Variants in DIAPH2 observed in about 807,000 individuals in gnomAD.
The protein encoded by DIAPH2 is protein diaphanous homolog 2.
Under a neutral mutation model 92.7 loss-of-function variants are expected in DIAPH2, and 35 were observed. The ratio of observed to expected loss-of-function variants is 0.38; its 90% CI spans 0.29 to 0.50. DIAPH2 has a LOEUF of 0.50. Ranked by LOEUF, DIAPH2 falls within the 20% of genes least tolerant of loss-of-function variation. The pLI is 0.94. For missense variants in DIAPH2, 701 were observed against 819.5 expected (o/e 0.86, Z 1.77); for synonymous variants, 301 against 280.4 (o/e 1.07, Z -0.73).
intron 17 of DIAPH2, among the ~76,000 whole-genome samples, chrX:97,043,279 T>G (rs2066459417): frequency 1.8e-5 from 2 of 111,214 alleles, no homozygotes; most frequent in African/African-American, 6.5e-5. Flanking sequence ...GAGAGAGGAT[T>G]TGATGACTTT....
chrX:97,350,989 C>A (rs773977301), intron 24 of DIAPH2, among the ~76,000 whole-genome samples: 8 of 112,203 alleles, frequency 7.1e-5, no homozygotes, highest in African/African-American at 2.6e-4. Context: ...GTAATCAGAT[C>A]CTAAATGTGT....
intron 22 of DIAPH2, among the ~76,000 whole-genome samples, chrX:97,229,437 C>T (rs2067990636): frequency 9.0e-6 from 1 of 111,443 alleles, no homozygotes; most frequent in East Asian, 2.8e-4. Flanking sequence ...TTGCAATGCA[C>T]AGACAAAGGT....
intron 26 of DIAPH2, among the ~76,000 whole-genome samples, chrX:97,596,115 G>A (rs2071549701): frequency 9.0e-6 from 1 of 111,576 alleles, no homozygotes; most frequent in South Asian, 3.7e-4. Context: ...GTCCATTTTG[G>A]GATTGATTTC....
In DIAPH2 at chrX:96,972,702, G is replaced by A. The variant is rs1240590239; in HGVS notation, c.2050+7495G>A. Reference sequence around the variant, plus strand: ...AAACAAATAATTAATTTTGAGTAGGGTCAATGGAGATCCTAGAGGTAGTAT... The same window carrying A: ...AAACAAATAATTAATTTTGAGTAGGATCAATGGAGATCCTAGAGGTAGTAT... On this transcript the variant is annotated intron_variant, in intron 17 of 26. Transcript: ENST00000324765. 3.6e-5 allele frequency among the ~76,000 whole-genome samples: 4 copies of A among 110,877 alleles called. No individual in the cohort carries two copies. In the East Asian group the frequency reaches 1.1e-3, roughly 31 times the overall value.
At chrX:97,551,581 G>T (rs191929212) in intron 26 of DIAPH2, among the ~76,000 whole-genome samples, 3 of 105,795 alleles carry the variant, frequency 2.8e-5, no homozygotes, top group African/African-American at 1.0e-4. Flanking sequence ...CAACAAGAAC[G>T]AGACTCCGTT....
intron 3 of DIAPH2, among the ~76,000 whole-genome samples, chrX:96,746,145 C>A (rs909056877): frequency 1.8e-5 from 2 of 111,683 alleles, no homozygotes; most frequent in African/African-American, 3.3e-5. Flanking sequence ...AAGACATCCT[C>A]CTGCCTTGGC....
chrX:97,259,932 C>T (rs1239605579), intron 23 of DIAPH2, among the ~76,000 whole-genome samples: 2 of 111,897 alleles, frequency 1.8e-5, no homozygotes, highest in African/African-American at 6.5e-5. Context: ...TTGGTTCAAG[C>T]AGTTCTCCCT....
intron 4 of DIAPH2, among the ~76,000 whole-genome samples, chrX:96,789,169 G>C (rs752808837): frequency 1.8e-5 from 2 of 111,831 alleles, no homozygotes; most frequent in Non-Finnish European, 3.8e-5. Context: ...TCCCTCCCAC[G>C]AGGGGTCACA....
At chrX:96,794,602 G>A (rs1279484915) in intron 4 of DIAPH2, among the ~76,000 whole-genome samples, 1 of 110,467 alleles carries the variant, frequency 9.1e-6, no homozygotes, top group Non-Finnish European at 1.9e-5. Flanking sequence ...ATGTTGGAGA[G>A]CAAATTGGCA....
chrX:97,389,123 G>A (rs999684089), intron 25 of DIAPH2, among the ~76,000 whole-genome samples: 24 of 110,664 alleles, frequency 2.2e-4, no homozygotes, highest in African/African-American at 6.2e-4. Context: ...GGAGTCCCCC[G>A]CCACACTCCA....
At chrX:96,858,130 T>A (rs1285941643) in intron 4 of DIAPH2, among the ~76,000 whole-genome samples, 2 of 112,310 alleles carry the variant, frequency 1.8e-5, no homozygotes, top group African/African-American at 6.5e-5. Context: ...AATAATATAT[T>A]ACATATATTG....
At chrX:96,728,736 G>A (rs778959602) in intron 1 of DIAPH2, among the ~76,000 whole-genome samples, 1 of 112,610 alleles carries the variant, frequency 8.9e-6, no homozygotes, top group South Asian at 3.6e-4. Flanking sequence ...ACAAAGTACT[G>A]TGTTGGTTTT....
chrX:96,692,640 A>G (rs1360422579), intron 1 of DIAPH2, among the ~76,000 whole-genome samples: 1 of 112,333 alleles, frequency 8.9e-6, no homozygotes, highest in Admixed American at 9.5e-5. Context: ...TCAAAAATAG[A>G]ACAAATTAGT....
intron 26 of DIAPH2, among the ~76,000 whole-genome samples, chrX:97,456,294 G>A (rs1354675168): frequency 9.0e-6 from 1 of 110,716 alleles, no homozygotes; most frequent in East Asian, 2.8e-4. Context: ...GGCTGAGGCA[G>A]GAGAGTGGCG....
At chrX:96,743,596 A>G (rs1467224588) in intron 3 of DIAPH2, among the ~76,000 whole-genome samples, 1 of 111,806 alleles carries the variant, frequency 8.9e-6, no homozygotes, top group Non-Finnish European at 1.9e-5. Context: ...GCATAGAAAG[A>G]CAAATAGCAC....
chrX:96,687,318 G>T (rs2063776060), intron 1 of DIAPH2, among the ~76,000 whole-genome samples: 1 of 112,404 alleles, frequency 8.9e-6, no homozygotes, highest in Non-Finnish European at 1.9e-5. Flanking sequence ...TTCCGCTACA[G>T]AGGAAAATTA....
chrX:96,770,564 A>G (rs1351904495), intron 4 of DIAPH2, among the ~76,000 whole-genome samples: 2 of 111,851 alleles, frequency 1.8e-5, no homozygotes, highest in African/African-American at 6.5e-5. Context: ...CTGCTTCGTG[A>G]TGATAAAACA....
At chrX:96,690,303 G>T (rs2063792443) in intron 1 of DIAPH2, among the ~76,000 whole-genome samples, 1 of 111,558 alleles carries the variant, frequency 9.0e-6, no homozygotes, top group South Asian at 3.8e-4. Context: ...TGTGATTTCT[G>T]ATGAGCCATT....
intron 4 of DIAPH2, among the ~76,000 whole-genome samples, chrX:96,794,245 C>T (rs1402425845): frequency 9.0e-6 from 1 of 111,339 alleles, no homozygotes; most frequent in East Asian, 2.8e-4. Context: ...ACGGCCCTAA[C>T]TCTTAATACT....
Sources: allele counts gnomAD v4.1 joint callset (sites outside exome capture counted in the v4.1 genomes callset), GRCh38; gene constraint gnomAD v4.1.1; transcripts MANE v1.5; gene names NCBI Gene and HGNC (gene_info 2026-07-23, HGNC 2026-07-21).